The following HFM1 variants were observed in gnomAD, a reference collection of about 807,000 sequenced individuals.
HFM1 encodes the protein probable ATP-dependent DNA helicase HFM1.
In HFM1, 169 loss-of-function variants were observed where a neutral mutation model predicts 192.1. That is an observed-to-expected ratio of 0.88 (90% CI 0.78 to 1.00). The LOEUF is 1.00. HFM1 is among the 50% of genes least tolerant of loss of function. HFM1 has a pLI of 0.00. For synonymous variants in HFM1, 525 were observed against 537.8 expected (o/e 0.98, Z 0.33); for missense variants, 1,661 against 1,668.0 (o/e 1.00, Z 0.07).
intron 30 of HFM1, among the ~76,000 whole-genome samples, chr1:91,295,152 T>G (rs929540524): frequency 6.6e-6 from 1 of 152,172 alleles, no homozygotes; most frequent in African/African-American, 2.4e-5. Flanking sequence ...GTTCCTGACT[T>G]TTTGGATATC....
chr1:91,389,001 A>T (rs1557514603), intron 4 of HFM1, among the ~76,000 whole-genome samples: 1 of 152,198 alleles, frequency 6.6e-6, no homozygotes, highest in African/African-American at 2.4e-5. Context: ...ACATTACTCC[A>T]AAGAAGACAT....
chr1:91,397,158 T>A (rs1663759771), intron 2 of HFM1, among the ~76,000 whole-genome samples: 1 of 152,240 alleles, frequency 6.6e-6, no homozygotes, highest in Non-Finnish European at 1.5e-5. Context: ...AGTATTCCTA[T>A]AACATTATTA....
intron 30 of HFM1, among the ~76,000 whole-genome samples, chr1:91,283,623 C>T (rs2100841772): frequency 6.6e-6 from 1 of 152,162 alleles, no homozygotes; most frequent in East Asian, 1.9e-4. Context: ...ATCTGAGGTG[C>T]AAATATTTTC....
intron 20 of HFM1, chr1:91,328,283 A>G (rs1034957621): frequency 1.1e-6 from 1 of 932,194 alleles, no homozygotes. Context: ...GAGGGGGGAA[A>G]GTGGGCTTAG....
rs1661131773 is a variant in HFM1 at position 91,378,164 on chromosome 1, T to C, written c.1256A>G (p.Glu419Gly). The stretch of plus-strand genomic sequence containing the variant: ...AACTTCAAGAGTTGGACCACGATTT[T>C]CATCTTTTACAATATGTACCTAAGC... ...LIDEVHIVKD[E>G]NRGPTLEVVV... Residue 419 changes from glutamate (E) to glycine (G), a missense_variant, in exon 11 of 39, where the codon GAA becomes GGA. By Grantham distance (98) the Glu-to-Gly change is moderately conservative. Coordinates refer to ENST00000370425, the MANE Select transcript of HFM1 (RefSeq NM_001017975.6). 4 of 1,605,402 alleles carry C rather than the reference T, an allele frequency of 2.5e-6. No individual in the cohort carries two copies. The highest frequency in any genetic ancestry group is 2.7e-5 in the African/African-American group (2 of 74,618).
chr1:91,384,658 C>T (rs904406692), intron 6 of HFM1, among the ~76,000 whole-genome samples: 1 of 152,026 alleles, frequency 6.6e-6, no homozygotes, highest in Non-Finnish European at 1.5e-5. Context: ...GACTTCTGTA[C>T]TTAATTTGCC....
intron 3 of HFM1, 46 bp downstream of exon 3, chr1:91,396,247 A>G: frequency 1.1e-6 from 1 of 913,376 alleles, no homozygotes; most frequent in Non-Finnish European, 1.7e-6. Flanking sequence ...AAATATTGCC[A>G]TGAACTGTAT....
rs145180192 is a variant in HFM1 at position 91,310,613 on chromosome 1, G to A, written c.3391+2736C>T. Among the ~76,000 whole-genome samples, 843 of 152,278 alleles carry A rather than the reference G, an allele frequency of 5.5e-3. 4 individuals carry two copies. Among genetic ancestry groups the A allele is most frequent in the African/African-American group, 0.019 (779 of 41,540 alleles). ...GAATTGTATCTCCCAGAATTCCCAC[G>A]TGTTGTGGAAGGGACTGAGGGGGAG... On this transcript the variant is annotated intron_variant, in intron 30 of 38. Coordinates refer to ENST00000370425, the MANE Select transcript of HFM1 (RefSeq NM_001017975.6).
chr1:91,287,415 C>T (rs532889923), intron 30 of HFM1, among the ~76,000 whole-genome samples: 10 of 152,128 alleles, frequency 6.6e-5, no homozygotes, highest in Non-Finnish European at 8.8e-5. Flanking sequence ...ACACCTCACA[C>T]GTCCGGGTAC....
intron 30 of HFM1, among the ~76,000 whole-genome samples, chr1:91,309,800 A>ACTTT (rs1650169715): frequency 6.6e-6 from 1 of 151,170 alleles, no homozygotes; most frequent in Non-Finnish European, 1.5e-5. Flanking sequence ...TGAATTCATG[A>ACTTT]TGTCTTTTAA....
At chr1:91,306,734 A>G (rs56382425) in intron 30 of HFM1, among the ~76,000 whole-genome samples, 30,008 of 151,842 alleles carry the variant, frequency 0.2, 3,389 homozygotes, top group Non-Finnish European at 0.26. Flanking sequence ...CTTTTTTTCT[A>G]TTCTCTGGAA....
intron 4 of HFM1, among the ~76,000 whole-genome samples, chr1:91,390,379 C>T (rs1391750971): frequency 6.9e-6 from 1 of 145,878 alleles, no homozygotes; most frequent in Non-Finnish European, 1.5e-5. Flanking sequence ...GAGGCTGTAG[C>T]GAACCAAGAT....
chr1:91,302,943 A>G (rs1649056285), intron 30 of HFM1, among the ~76,000 whole-genome samples: 1 of 152,184 alleles, frequency 6.6e-6, no homozygotes, highest in Non-Finnish European at 1.5e-5. Flanking sequence ...ATTAAAATAA[A>G]ATAAAATAAA....
intron 36 of HFM1, among the ~76,000 whole-genome samples, chr1:91,264,488 T>A (rs1423569557): frequency 7.1e-6 from 1 of 139,908 alleles, no homozygotes; most frequent in East Asian, 2.3e-4. Context: ...TTCTCCTGCC[T>A]CAGCCTCCCG....
chr1:91,269,269 C>T lies in HFM1; in HGVS notation c.3773-1414G>A, dbSNP rs112366254. On this transcript the variant is annotated intron_variant, in intron 34 of 38. Transcript: ENST00000370425. ...TTTCTACCATATGGATAAATAATCT[C>T]GAGAACACAGATAAGAGTAAAATGC... Among the ~76,000 whole-genome samples the T allele has an allele frequency of 4.0e-4, 61 of 152,034 alleles. No individual in the cohort carries two copies. The East Asian group carries it at 5.4e-3, about 13-fold the overall frequency.
At chr1:91,330,469 T>C (rs1449431979) in intron 20 of HFM1, among the ~76,000 whole-genome samples, 2 of 151,944 alleles carry the variant, frequency 1.3e-5, no homozygotes, top group African/African-American at 4.8e-5. Flanking sequence ...ACCCAAAACC[T>C]GAACAGAAAA....
chr1:91,354,927 ACAGT>A (rs778662294), intron 13 of HFM1, among the ~76,000 whole-genome samples: 1 of 152,314 alleles, frequency 6.6e-6, no homozygotes, highest in Admixed American at 6.5e-5. Flanking sequence ...AGGTAAATAC[ACAGT>A]CAAATTCAGA....
At chr1:91,275,473 T>C (rs1277562572) in intron 32 of HFM1, among the ~76,000 whole-genome samples, 2 of 152,204 alleles carry the variant, frequency 1.3e-5, no homozygotes, top group Non-Finnish European at 2.9e-5. Flanking sequence ...AGGACATCCT[T>C]AGCTAGACAT....
chr1:91,312,004 A>G (rs1650534104), intron 30 of HFM1, among the ~76,000 whole-genome samples: 1 of 152,134 alleles, frequency 6.6e-6, no homozygotes. Flanking sequence ...CAGCTTCCAC[A>G]TGGTATTGAG....
Sources: gnomAD v4.1 joint callset for allele counts (sites outside exome capture counted in the v4.1 genomes callset) on GRCh38, gnomAD v4.1.1 for gene constraint, MANE v1.5 for transcripts, NCBI Gene and HGNC (gene_info 2026-07-23, HGNC 2026-07-21) for gene names.